Variants in FHOD3 observed in about 807,000 individuals in gnomAD.
FHOD3 encodes the protein formin homology 2 domain containing 3, also known as FH1/FH2 domain-containing protein 3.
FHOD3 carries 90 observed loss-of-function variants against 173.0 expected under a neutral mutation model. The observed-to-expected ratio is 0.52, with a 90% CI of 0.44 to 0.62. The LOEUF (loss-of-function observed/expected upper bound fraction) is 0.62. Among genes scored for constraint, FHOD3 ranks in the 20% least tolerant of loss-of-function variants. FHOD3 has a pLI of 0.00. For missense variants in FHOD3, 1,945 were observed against 2,034.7 expected (o/e 0.96, Z 0.85); for synonymous variants, 828 against 823.0 (o/e 1.01, Z -0.10).
At chr18:36,469,818 G>T (rs1230036258) in intron 3 of FHOD3, among the ~76,000 whole-genome samples, 2 of 152,132 alleles carry the variant, frequency 1.3e-5, no homozygotes, top group African/African-American at 4.8e-5. Context: ...GAGGGTTAAG[G>T]GGGTGGCGGC....
chr18:36,651,742 ACT>A (rs2149103831), intron 11 of FHOD3, among the ~76,000 whole-genome samples: 1 of 138,554 alleles, frequency 7.2e-6, no homozygotes, highest in Non-Finnish European at 1.5e-5. Flanking sequence ...TGTTCAAAAA[ACT>A]CTGCTCAAAA....
intron 15 of FHOD3, among the ~76,000 whole-genome samples, chr18:36,685,918 G>A (rs2038580580): frequency 6.6e-6 from 1 of 152,036 alleles, no homozygotes; most frequent in Non-Finnish European, 1.5e-5. Flanking sequence ...ATAAAATTTG[G>A]GCATCTGTGG....
Position 36,718,361 on chromosome 18 carries a change from A to AACT in FHOD3, c.3063_3064insACT (p.Pro1021_Pro1022insThr). 3 of 1,329,388 alleles carry AACT rather than the reference A, an allele frequency of 2.3e-6. No homozygotes were observed. The highest frequency in any genetic ancestry group is 1.9e-5 in the Admixed American group (1 of 52,170). The allele number at this position is 1,329,388 out of a possible 1,614,324, so 82.3% of individuals were successfully genotyped here. A position where few individuals can be genotyped will look rare whatever the true frequency, so the allele number is the denominator to read the frequency against. On this transcript the variant is annotated inframe_insertion, in exon 19 of 29. Coordinates refer to ENST00000590592, the MANE Select transcript of FHOD3 (RefSeq NM_001281740.3). Reference sequence around the variant, plus strand: ...TGGGTCACAGGGAGGCCCCTGGGCCACCTCCCCCACCCCCACCCACCTTTC... The same window carrying AACT: ...TGGGTCACAGGGAGGCCCCTGGGCCAACTCCTCCCCCACCCCCACCCACCTTTC...
chr18:36,628,871 C>T (rs1319513548), intron 10 of FHOD3, among the ~76,000 whole-genome samples: 2 of 152,214 alleles, frequency 1.3e-5, no homozygotes, highest in Non-Finnish European at 2.9e-5. Flanking sequence ...GGTTCTTCCT[C>T]TGTTGACAAA....
In FHOD3 at chr18:36,362,912, A is replaced by C. The variant is rs562703519; in HGVS notation, c.272+7267A>C. Among the ~76,000 whole-genome samples, 39 of 152,390 alleles carry C rather than the reference A, an allele frequency of 2.6e-4. 1 individual carries two copies. In the South Asian group the frequency reaches 7.7e-3, roughly 30 times the overall value. On this transcript the variant is annotated intron_variant, in intron 2 of 28. Transcript: ENST00000590592. ...TTGCAAAACGTATCTGATGGAGTAC[A>C]AGTATCCAAAATATACAAAGCACTC...
intron 16 of FHOD3, among the ~76,000 whole-genome samples, chr18:36,687,489 T>C (rs1335391074): frequency 1.3e-5 from 2 of 152,212 alleles, no homozygotes; most frequent in Non-Finnish European, 1.5e-5. Context: ...ATGTTCCTAA[T>C]GCATGCTTTT....
At chr18:36,373,849 C>T (rs753100029) in intron 3 of FHOD3, among the ~76,000 whole-genome samples, 23 of 152,124 alleles carry the variant, frequency 1.5e-4, no homozygotes, top group Admixed American at 1.2e-3. Flanking sequence ...TTACCTGCTT[C>T]GTGTTTTCCC....
chr18:36,625,563 G>A lies in FHOD3; in HGVS notation c.1010G>A (p.Gly337Glu), dbSNP rs368210942. 8.6e-5 allele frequency: 130 copies of A among 1,516,992 alleles called. No individual in the cohort carries two copies. The highest frequency in any genetic ancestry group is 1.1e-4 in the Non-Finnish European group (127 of 1,122,680). The allele number at this position is 1,516,992 out of a possible 1,614,324, so 94.0% of individuals were successfully genotyped here. The part of the protein sequence containing the change: ...GDETTEPPPS[G>E]CRDRRRASVC... Reference sequence around the variant, plus strand: ...GAGACCACGGAGCCACCCCCCAGTGGGTGCCGGGACCGGAGGAGGGCCAGC... The same window carrying A: ...GAGACCACGGAGCCACCCCCCAGTGAGTGCCGGGACCGGAGGAGGGCCAGC... Residue 337 changes from glycine (G) to glutamate (E), a missense_variant, in exon 10 of 29, where the codon GGG becomes GAG. Physicochemically the swap from Gly to Glu is moderately conservative, Grantham distance 98. Coordinates refer to ENST00000590592, the MANE Select transcript of FHOD3 (RefSeq NM_001281740.3).
chr18:36,297,762 G>A lies in FHOD3; in HGVS notation c.-74G>A. ...GAGCTGCGGCTGCGGCCTCCCCTGC[G>A]CGCAGCTACCCGGGCGTCCCGGCCC... On this transcript the variant is annotated 5_prime_UTR_variant, in exon 1 of 29. Transcript: ENST00000590592. 2.3e-6 allele frequency: 3 copies of A among 1,306,320 alleles called. No individual in the cohort carries two copies. Among genetic ancestry groups the A allele is most frequent in the Non-Finnish European group, 3.0e-6 (3 of 1,001,012 alleles). The allele number at this position is 1,306,320 out of a possible 1,614,324, so 80.9% of individuals were successfully genotyped here. A position where few individuals can be genotyped will look rare whatever the true frequency, so the allele number is the denominator to read the frequency against.
At chr18:36,321,967 A>G (rs1375477057) in intron 1 of FHOD3, among the ~76,000 whole-genome samples, 1 of 151,898 alleles carries the variant, frequency 6.6e-6, no homozygotes, top group African/African-American at 2.4e-5. Context: ...TCCTATGACA[A>G]TGGCCAGAGG....
chr18:36,541,176 G>A (rs2057196147), intron 5 of FHOD3, among the ~76,000 whole-genome samples: 1 of 150,660 alleles, frequency 6.6e-6, no homozygotes, highest in South Asian at 2.1e-4. Flanking sequence ...ACTTGAACCC[G>A]GGAGGTGGAG....
At chr18:36,450,660 G>A (rs113234377) in intron 3 of FHOD3, among the ~76,000 whole-genome samples, 8,287 of 151,616 alleles carry the variant, frequency 0.055, 627 homozygotes, top group East Asian at 0.26. Flanking sequence ...GGGCATGGTG[G>A]TGCACACCTG....
chr18:36,585,739 T>A (rs60433814), intron 6 of FHOD3, among the ~76,000 whole-genome samples: 6,694 of 152,262 alleles, frequency 0.044, 375 homozygotes, highest in East Asian at 0.15. Context: ...AAACTAAGGG[T>A]GCACCTTTGA....
chr18:36,441,161 G>A (rs2051124223), intron 3 of FHOD3, among the ~76,000 whole-genome samples: 1 of 152,004 alleles, frequency 6.6e-6, no homozygotes, highest in Non-Finnish European at 1.5e-5. Context: ...TGCCCAGCAA[G>A]CAGGAGCTCA....
chr18:36,631,984 C>T (rs1356792283), intron 10 of FHOD3, among the ~76,000 whole-genome samples: 2 of 152,084 alleles, frequency 1.3e-5, no homozygotes, highest in East Asian at 1.9e-4. Context: ...TGCTGTCATA[C>T]ATTTTGCTAT....
intron 19 of FHOD3, among the ~76,000 whole-genome samples, chr18:36,726,494 C>A (rs28630946): frequency 0.037 from 5,652 of 152,118 alleles, 350 homozygotes; most frequent in African/African-American, 0.13. Context: ...TGGATGCCAT[C>A]CCCTTCAAGA....
intron 1 of FHOD3, among the ~76,000 whole-genome samples, chr18:36,321,470 G>T (rs2044389061): frequency 6.6e-6 from 1 of 152,208 alleles, no homozygotes; most frequent in Non-Finnish European, 1.5e-5. Flanking sequence ...CTTATAAAGT[G>T]ATTTCTGTTT....
rs555406730 is a variant in FHOD3, at chr18:36,760,911, C to G, written c.4624+129C>G. 8.1e-4 allele frequency: 716 copies of G among 887,976 alleles called. 5 individuals carry two copies. The African/African-American group carries it at 0.011, about 13-fold the overall frequency. The allele number at this position is 887,976 out of a possible 1,614,324, so 55.0% of individuals were successfully genotyped here. On this transcript the variant is annotated intron_variant, in intron 27 of 28. Coordinates refer to ENST00000590592, the MANE Select transcript of FHOD3 (RefSeq NM_001281740.3). ...CGGCTCCAGTGCCAACCTAACCACA[C>G]ACATTCCCTCACTAGCGTCTTCCTG...
chr18:36,477,989 A>T (rs1426599445), intron 3 of FHOD3, among the ~76,000 whole-genome samples: 1 of 152,200 alleles, frequency 6.6e-6, no homozygotes, highest in African/African-American at 2.4e-5. Flanking sequence ...CAGGATTTTG[A>T]CAGACTGAAA....
Sources: allele counts gnomAD v4.1 joint callset (sites outside exome capture counted in the v4.1 genomes callset), GRCh38; gene constraint gnomAD v4.1.1; transcripts MANE v1.5; gene names NCBI Gene and HGNC (gene_info 2026-07-23, HGNC 2026-07-21).